CATSPERB: variants seen among roughly 807,000 people sequenced by gnomAD.
The protein encoded by CATSPERB is cation channel sperm-associated auxiliary subunit beta.
A neutral mutation model predicts 128.3 loss-of-function variants in CATSPERB; 93 were observed. The ratio of observed to expected loss-of-function variants is 0.72; its 90% CI spans 0.61 to 0.86. The LOEUF is 0.86. Among genes scored for constraint, CATSPERB ranks in the 40% least tolerant of loss-of-function variants. The pLI, the probability that CATSPERB is intolerant of heterozygous loss-of-function variation, is 0.00. For missense variants in CATSPERB, 1,153 were observed against 1,329.5 expected (o/e 0.87, Z 2.06); for synonymous variants, 381 against 448.8 (o/e 0.85, Z 1.91).
chr14:91,634,949 C>T (rs1350158761), intron 17 of CATSPERB, among the ~76,000 whole-genome samples: 4 of 151,806 alleles, frequency 2.6e-5, no homozygotes, highest in Admixed American at 6.6e-5. Flanking sequence ...ATTTATTTCT[C>T]ACAGCTCTAG....
intron 18 of CATSPERB, among the ~76,000 whole-genome samples, chr14:91,624,546 C>T (rs539879428): frequency 1.1e-3 from 169 of 151,690 alleles, no homozygotes; most frequent in African/African-American, 3.9e-3. Flanking sequence ...GAGGCTGAAG[C>T]AGGAGAATCG....
intron 1 of CATSPERB, among the ~76,000 whole-genome samples, 188 bp downstream of exon 1, chr14:91,731,742 C>A (rs183476254): frequency 6.6e-6 from 1 of 152,096 alleles, no homozygotes; most frequent in African/African-American, 2.4e-5. Flanking sequence ...TTACTGGATA[C>A]AAGTCATGTA....
Position 91,669,901 on chromosome 14 carries a change from T to TGGA in CATSPERB, c.1197_1199dup (p.Pro400dup). On this transcript the variant is annotated inframe_insertion, in exon 14 of 27. Coordinates refer to ENST00000256343, the MANE Select transcript of CATSPERB (RefSeq NM_024764.4). ...AGAATGATGAAGGAAACCGAAAAAT[T>TGGA]GGAAATTTTGATTGTGAATTTGGTT... 6.2e-7 allele frequency: 1 copy of TGGA among 1,613,518 alleles called. No homozygotes were observed. The highest frequency in any genetic ancestry group is 8.5e-7 in the Non-Finnish European group (1 of 1,179,834).
At chr14:91,714,294 A>AG (rs1895898106) in intron 5 of CATSPERB, among the ~76,000 whole-genome samples, 1 of 85,766 alleles carries the variant, frequency 1.2e-5, no homozygotes. Context: ...AAAAAAAAAG[A>AG]AAAAAAGAAA....
At chr14:91,702,402 C>T (rs1201190851) in intron 7 of CATSPERB, among the ~76,000 whole-genome samples, 1 of 150,846 alleles carries the variant, frequency 6.6e-6, no homozygotes, top group African/African-American at 2.4e-5. Flanking sequence ...ACCGCGATTA[C>T]TTTTGCACCA....
intron 26 of CATSPERB, among the ~76,000 whole-genome samples, chr14:91,582,430 G>A (rs539615084): frequency 6.6e-6 from 1 of 152,262 alleles, no homozygotes; most frequent in South Asian, 2.1e-4. Flanking sequence ...GTGACAGGAG[G>A]CAGTCAAATG....
At chr14:91,639,354 A>T (rs1894446629) in intron 15 of CATSPERB, 104 bp from the exon 16 acceptor site, 1 of 940,004 alleles carries the variant, frequency 1.1e-6, no homozygotes, top group Admixed American at 2.7e-5. Flanking sequence ...TAAGAGGTGG[A>T]AGTAGGGCCC....
intron 15 of CATSPERB, among the ~76,000 whole-genome samples, chr14:91,652,884 G>A (rs1375492015): frequency 6.6e-6 from 1 of 152,000 alleles, no homozygotes; most frequent in Non-Finnish European, 1.5e-5. Context: ...CAAACCACAT[G>A]GATTAATCTT....
intron 5 of CATSPERB, among the ~76,000 whole-genome samples, chr14:91,715,597 C>T (rs1388560760): frequency 6.9e-6 from 1 of 144,500 alleles, no homozygotes; most frequent in African/African-American, 2.5e-5. Flanking sequence ...TTTCCCTAAA[C>T]TGATCTATAG....
chr14:91,670,067 A>G (rs2139829480), intron 13 of CATSPERB, 95 bp from the exon 14 acceptor site: 1 of 1,047,008 alleles, frequency 9.6e-7, no homozygotes, highest in Non-Finnish European at 1.5e-6. Context: ...AGAGAGATAC[A>G]ATCACTAACA....
chr14:91,587,176 T>C lies in CATSPERB; in HGVS notation c.3132+26A>G, dbSNP rs1228849324. 2.6e-6 allele frequency: 4 copies of C among 1,560,628 alleles called. No homozygotes were observed. In the Admixed American group the frequency reaches 5.6e-5, roughly 22 times the overall value. ...ATGTTTTTTCCCCAGCCATCACCCCTCTGATGCCAAGTGCATCCATTTTAC... is the reference window on the plus strand; with the variant it reads ...ATGTTTTTTCCCCAGCCATCACCCCCCTGATGCCAAGTGCATCCATTTTAC... On this transcript the variant is annotated intron_variant, in intron 26 of 26. Transcript: ENST00000256343.
intron 7 of CATSPERB, among the ~76,000 whole-genome samples, chr14:91,699,989 T>C (rs927891987): frequency 3.9e-5 from 6 of 152,058 alleles, no homozygotes; most frequent in Admixed American, 2.6e-4. Flanking sequence ...AACATGCAGG[T>C]TTTTTGCATA....
chr14:91,583,311 C>T (rs1057055027), intron 26 of CATSPERB, among the ~76,000 whole-genome samples: 1 of 147,054 alleles, frequency 6.8e-6, no homozygotes, highest in Non-Finnish European at 1.5e-5. Context: ...CCCCGCTACT[C>T]GGGAGGCTGA....
At position 91,693,376 on chromosome 14, in the gene CATSPERB, G is replaced by A. The variant is rs1404283013; in HGVS notation, c.712+8C>T. ...TGCTCAAGATGAAGGCAATGTTAGA[G>A]GAGTTACCTTCTTGAAGTTGGGAAT... On this transcript the variant is annotated splice_region_variant and intron_variant, in intron 8 of 26. Coordinates refer to ENST00000256343, the MANE Select transcript of CATSPERB (RefSeq NM_024764.4). 1.2e-6 allele frequency: 2 copies of A among 1,603,996 alleles called. No individual in the cohort carries two copies. Among genetic ancestry groups the A allele is most frequent in the African/African-American group, 2.7e-5 (2 of 74,698 alleles).
chr14:91,656,391 T>A (rs554146847), intron 15 of CATSPERB, among the ~76,000 whole-genome samples: 1 of 152,196 alleles, frequency 6.6e-6, no homozygotes, highest in Non-Finnish European at 1.5e-5. Context: ...TTTCAAGACA[T>A]GTCAGTTTAA....
At chr14:91,728,248 G>T (rs769706435) in intron 2 of CATSPERB, among the ~76,000 whole-genome samples, 4 of 152,108 alleles carry the variant, frequency 2.6e-5, no homozygotes, top group Non-Finnish European at 5.9e-5. Context: ...CTGAGTAGCT[G>T]GGACTGCAGG....
intron 15 of CATSPERB, 140 bp downstream of exon 15, chr14:91,659,697 A>G: frequency 1.4e-6 from 1 of 719,768 alleles, no homozygotes; most frequent in South Asian, 2.1e-5. Context: ...ATAGGATCCT[A>G]CTTCTGTAGA....
At chr14:91,584,476 CCTAT>C (rs1893263320) in intron 26 of CATSPERB, among the ~76,000 whole-genome samples, 1 of 152,156 alleles carries the variant, frequency 6.6e-6, no homozygotes, top group Non-Finnish European at 1.5e-5. Flanking sequence ...TGCAGTCACA[CCTAT>C]CTTTTATCCA....
chr14:91,660,740 A>C (rs1894865090), intron 14 of CATSPERB, among the ~76,000 whole-genome samples: 1 of 152,238 alleles, frequency 6.6e-6, no homozygotes, highest in Admixed American at 6.5e-5. Flanking sequence ...ATGGCTGAAG[A>C]ATCTGAGACC....
Sources: allele counts gnomAD v4.1 joint callset (sites outside exome capture counted in the v4.1 genomes callset), GRCh38; gene constraint gnomAD v4.1.1; transcripts MANE v1.5; gene names NCBI Gene and HGNC (gene_info 2026-07-23, HGNC 2026-07-21).